Variants in KYNU observed in about 807,000 individuals in gnomAD.
The protein encoded by KYNU is L-kynurenine hydrolase.
KYNU carries 54 observed loss-of-function variants against 59.2 expected under a neutral mutation model. That is an observed-to-expected ratio of 0.91 (90% CI 0.73 to 1.14). The LOEUF is 1.14. KYNU is among the 50% of genes most tolerant of loss of function. The pLI is 0.00. For synonymous variants in KYNU, 177 were observed against 192.0 expected, an observed-to-expected ratio of 0.92 and a Z score of 0.65; for missense variants, 567 against 554.4, an observed-to-expected ratio of 1.02 and a Z score of -0.23.
chr2:142,955,769 A>C (rs900120631), intron 5 of KYNU, among the ~76,000 whole-genome samples: 1 of 152,098 alleles, frequency 6.6e-6, no homozygotes, highest in Non-Finnish European at 1.5e-5. Context: ...AAAGAGCTTC[A>C]CTGAACAAAT....
At chr2:143,028,636 G>A (rs1336069670) in intron 10 of KYNU, among the ~76,000 whole-genome samples, 10 of 150,854 alleles carry the variant, frequency 6.6e-5, no homozygotes, top group East Asian at 2.0e-4. Context: ...ACCTGAGGTC[G>A]GGAGTTCAAG....
chr2:142,902,907 C>A (rs1279397675), intron 2 of KYNU, among the ~76,000 whole-genome samples: 2 of 152,006 alleles, frequency 1.3e-5, no homozygotes. Context: ...TCTTTAAAGG[C>A]AAATAAGAAT....
At chr2:142,991,918 A>G (rs898306185) in intron 10 of KYNU, among the ~76,000 whole-genome samples, 2 of 151,952 alleles carry the variant, frequency 1.3e-5, no homozygotes, top group Admixed American at 6.6e-5. Context: ...CCCCAAAGAT[A>G]TAAGGAAAAT....
chr2:142,907,379 G>C (rs964423793), intron 2 of KYNU, among the ~76,000 whole-genome samples: 1 of 152,202 alleles, frequency 6.6e-6, no homozygotes, highest in Admixed American at 6.5e-5. Context: ...CTCGGCACTT[G>C]GTTGTGCAGG....
intron 10 of KYNU, among the ~76,000 whole-genome samples, chr2:143,029,390 A>C (rs1433136739): frequency 6.6e-6 from 1 of 152,230 alleles, no homozygotes; most frequent in African/African-American, 2.4e-5. Context: ...ACTCAAGACC[A>C]GCCTGGCCAA....
intron 12 of KYNU, 61 bp downstream of exon 12, chr2:143,033,382 C>G: frequency 8.7e-7 from 1 of 1,148,912 alleles, no homozygotes; most frequent in Non-Finnish European, 1.3e-6. Flanking sequence ...CTGTTTGTGA[C>G]AATTCATAGT....
intron 4 of KYNU, among the ~76,000 whole-genome samples, chr2:142,935,212 A>T (rs72988634): frequency 0.028 from 4,258 of 152,252 alleles, 113 homozygotes; most frequent in African/African-American, 0.069. Context: ...GGCTGAGTTT[A>T]GGTTGGTGTA....
At chr2:142,956,164 G>T (rs368088805) in intron 5 of KYNU, 39 bp from the exon 6 acceptor site, 2 of 1,073,394 alleles carry the variant, frequency 1.9e-6, no homozygotes, top group Non-Finnish European at 2.9e-6. Flanking sequence ...TGTATAAATT[G>T]TGTATTAATG....
At chr2:142,988,247 C>T (rs1191232450) in intron 10 of KYNU, among the ~76,000 whole-genome samples, 12 of 151,814 alleles carry the variant, frequency 7.9e-5, no homozygotes, top group Admixed American at 3.3e-4. Flanking sequence ...TAGTACTGAC[C>T]CCTAAGTACT....
chr2:143,024,588 G>T (rs570977489), intron 10 of KYNU, among the ~76,000 whole-genome samples: 37 of 151,946 alleles, frequency 2.4e-4, no homozygotes, highest in African/African-American at 8.7e-4. Context: ...TCATTGAATG[G>T]TTGCATTTGA....
Position 143,042,313 on chromosome 2 carries a change from CT to C in KYNU, c.*142del. The C allele has an allele frequency of 1.1e-6, 1 of 895,512 alleles. No individual in the cohort carries two copies. Among genetic ancestry groups the C allele is most frequent in the Non-Finnish European group, 1.7e-6 (1 of 595,402 alleles). The allele number at this position is 895,512 out of a possible 1,614,324, so 55.5% of individuals were successfully genotyped here. A position where few individuals can be genotyped will look rare whatever the true frequency, so the allele number is the denominator to read the frequency against. On this transcript the variant is annotated 3_prime_UTR_variant, in exon 14 of 14. Coordinates refer to ENST00000264170, the MANE Select transcript of KYNU (RefSeq NM_003937.3). ...ATAAATAATATACCTTACAGAAAAT[CT>C]GATATAATTTTTCAGAGTCTGTGGC...
At chr2:142,885,089 T>G (rs1346473379) in intron 1 of KYNU, among the ~76,000 whole-genome samples, 2 of 123,702 alleles carry the variant, frequency 1.6e-5, no homozygotes, top group Non-Finnish European at 3.3e-5. Flanking sequence ...GGTCTCAAAC[T>G]CCTGACCTCA....
chr2:143,055,680 AAG>A lies in KYNU; in HGVS notation c.*13509_*13510del, dbSNP rs1687342365. On this transcript the variant is annotated 3_prime_UTR_variant, in exon 14 of 14. Coordinates refer to ENST00000264170, the MANE Select transcript of KYNU (RefSeq NM_003937.3). ...GAAGGAAGGAAGGAAGGAAGGAAGG[AAG>A]GAAAGGGAGGAGAGGAGAGGAGAGG... is the stretch of plus-strand genomic sequence containing the variant. 6.6e-6 allele frequency: 1 copy of A among 150,904 alleles called. No individual in the cohort carries two copies. Among genetic ancestry groups the A allele is most frequent in the Admixed American group, 6.6e-5 (1 of 15,088 alleles). The allele number at this position is 150,904 out of a possible 1,614,324, so 9.3% of individuals were successfully genotyped here.
rs1558991938 is a variant in KYNU at position 143,047,787 on chromosome 2, C to T, written c.*5615C>T. Reference sequence around the variant, plus strand: ...TGTTGCCCAGGCTAATCTCAAACTCCTGGCCTCAAGCAGTCCTCCCTCCTC... The same window carrying T: ...TGTTGCCCAGGCTAATCTCAAACTCTTGGCCTCAAGCAGTCCTCCCTCCTC... On this transcript the variant is annotated 3_prime_UTR_variant, in exon 14 of 14. Transcript: ENST00000264170. The T allele has an allele frequency of 6.6e-6, 1 of 152,290 alleles. No individual in the cohort carries two copies. Among genetic ancestry groups the T allele is most frequent in the Non-Finnish European group, 1.5e-5 (1 of 68,666 alleles). The allele number at this position is 152,290 out of a possible 1,614,324, so 9.4% of individuals were successfully genotyped here.
At chr2:142,966,491 A>G (rs906473679) in intron 8 of KYNU, among the ~76,000 whole-genome samples, 8 of 152,296 alleles carry the variant, frequency 5.3e-5, no homozygotes, top group African/African-American at 1.9e-4. Flanking sequence ...ATGAAGTATC[A>G]CTGCATGCTC....
intron 2 of KYNU, among the ~76,000 whole-genome samples, chr2:142,910,440 G>C (rs139418818): frequency 6.6e-6 from 1 of 151,912 alleles, no homozygotes; most frequent in Non-Finnish European, 1.5e-5. Flanking sequence ...CTCGCTTGTC[G>C]AATTGCTTAA....
At chr2:142,897,796 A>AGGCCTCTACT (rs1401721363) in intron 2 of KYNU, among the ~76,000 whole-genome samples, 8 of 152,366 alleles carry the variant, frequency 5.3e-5, no homozygotes, top group Middle Eastern at 3.4e-3. Context: ...GCATTCTAAT[A>AGGCCTCTACT]AAACCCCTAA....
chr2:142,978,175 T>C (rs1019953030), intron 8 of KYNU, among the ~76,000 whole-genome samples: 8 of 152,186 alleles, frequency 5.3e-5, no homozygotes, highest in Admixed American at 1.3e-4. Context: ...CAACCTATTA[T>C]TGCTAATCAT....
At chr2:143,039,989 T>C (rs576438123) in intron 12 of KYNU, among the ~76,000 whole-genome samples, 2 of 152,260 alleles carry the variant, frequency 1.3e-5, no homozygotes, top group South Asian at 4.1e-4. Flanking sequence ...TCTGTCATGC[T>C]TTAAGGCCCA....
Sources: allele counts gnomAD v4.1 joint callset (sites outside exome capture counted in the v4.1 genomes callset), GRCh38; gene constraint gnomAD v4.1.1; transcripts MANE v1.5; gene names NCBI Gene and HGNC (gene_info 2026-07-23, HGNC 2026-07-21).